Variants in ATP13A4 observed in about 807,000 individuals in gnomAD.
The protein encoded by ATP13A4 is ATPase 13A4.
Under a neutral mutation model 142.5 loss-of-function variants are expected in ATP13A4, and 114 were observed. The ratio of observed to expected loss-of-function variants is 0.80; its 90% CI spans 0.69 to 0.93. The LOEUF (loss-of-function observed/expected upper bound fraction) is 0.93, where lower values mean the gene tolerates loss of function less well. ATP13A4 is among the 40% of genes least tolerant of loss of function. The probability of loss-of-function intolerance (pLI) is 0.00; values close to 1 mark genes in which losing one functional copy is unlikely to be tolerated. For synonymous variants in ATP13A4, 488 were observed against 514.8 expected, an observed-to-expected ratio of 0.95 and a Z score of 0.70; for missense variants, 1,392 against 1,454.0, an observed-to-expected ratio of 0.96 and a Z score of 0.69.
intron 2 of ATP13A4, among the ~76,000 whole-genome samples, chr3:193,561,932 T>A (rs937976464): frequency 2.0e-5 from 3 of 152,228 alleles, no homozygotes; most frequent in Non-Finnish European, 4.4e-5. Flanking sequence ...CATGGGATCA[T>A]CACTGTACTT....
Position 193,467,416 on chromosome 3 carries a change from ACT to A in ATP13A4, c.1012_1013del (p.Ser338Ter). The A allele has an allele frequency of 6.2e-7, 1 of 1,613,878 alleles. No individual in the cohort carries two copies. The highest frequency in any genetic ancestry group is 8.5e-7 in the Non-Finnish European group (1 of 1,179,948). On this transcript the variant is annotated frameshift_variant, in exon 10 of 30. Coordinates refer to ENST00000342695, the MANE Select transcript of ATP13A4 (RefSeq NM_032279.4). LOFTEE classifies it high-confidence loss of function. ...GGACATGCCGCTTGTAATCCGCTTC[ACT>A]CTGTGTTTTCCAGGGCACAGAGCTA... ...MDSSVPWKTQ[S>X]EADYKRHVLF...
chr3:193,473,234 C>A (rs1718722709), intron 8 of ATP13A4, among the ~76,000 whole-genome samples: 1 of 152,200 alleles, frequency 6.6e-6, no homozygotes, highest in African/African-American at 2.4e-5. Context: ...AGGGCTCTCA[C>A]TGCCTAAATC....
chr3:193,413,242 A>G (rs941713050), intron 26 of ATP13A4, among the ~76,000 whole-genome samples: 4 of 152,218 alleles, frequency 2.6e-5, no homozygotes, highest in Non-Finnish European at 5.9e-5. Flanking sequence ...CAGTTCCCAA[A>G]TAATACTCTT....
chr3:193,411,308 G>A (rs1024686788), intron 27 of ATP13A4, among the ~76,000 whole-genome samples: 15 of 152,116 alleles, frequency 9.9e-5, no homozygotes, highest in African/African-American at 3.6e-4. Flanking sequence ...AATAAAAGTA[G>A]TAGATATACA....
At chr3:193,530,247 A>T (rs75975726) in intron 1 of ATP13A4, among the ~76,000 whole-genome samples, 2 of 151,964 alleles carry the variant, frequency 1.3e-5, no homozygotes, top group East Asian at 3.9e-4. Flanking sequence ...TTGTTTCTCA[A>T]ATCCTGTCTC....
rs1199571350 is a variant in ATP13A4 at position 193,440,573 on chromosome 3, T to A, written c.2504A>T (p.Glu835Val). 1 of 1,614,064 alleles carries A rather than the reference T, an allele frequency of 6.2e-7. No homozygotes were observed. Among genetic ancestry groups the A allele is most frequent in the Non-Finnish European group, 8.5e-7 (1 of 1,179,902 alleles). ...SPGQKSSLVEEFQKLDYFVGM... is the reference protein window; with the variant it reads ...SPGQKSSLVEVFQKLDYFVGM... ...AAGAACCTACTCCAGTTTCTGAAAT[T>A]CTTCCACCAGACTGGACTTCTGCCC... Residue 835 changes from glutamate (E) to valine (V), a missense_variant, in exon 21 of 30, where the codon GAA becomes GTA. Transcript: ENST00000342695.
intron 2 of ATP13A4, among the ~76,000 whole-genome samples, chr3:193,512,058 C>T (rs1577037693): frequency 6.6e-6 from 1 of 152,106 alleles, no homozygotes; most frequent in Non-Finnish European, 1.5e-5. Context: ...TCAGAGAGCA[C>T]GGCTCAGCTG....
At chr3:193,577,142 T>A (rs1577087584) in intron 2 of ATP13A4, among the ~76,000 whole-genome samples, 1 of 152,042 alleles carries the variant, frequency 6.6e-6, no homozygotes, top group Non-Finnish European at 1.5e-5. Context: ...CAACACCACA[T>A]CCACTGGTAG....
chr3:193,516,774 A>G (rs999794254), intron 1 of ATP13A4, among the ~76,000 whole-genome samples: 1 of 151,940 alleles, frequency 6.6e-6, no homozygotes, highest in Non-Finnish European at 1.5e-5. Context: ...CCTCTCTGTT[A>G]CTATGCATTC....
chr3:193,428,725 G>A (rs1248041217), intron 25 of ATP13A4, among the ~76,000 whole-genome samples: 1 of 147,596 alleles, frequency 6.8e-6, no homozygotes, highest in Non-Finnish European at 1.5e-5. Context: ...CTCACTTATA[G>A]GTGGGAATTG....
chr3:193,527,741 C>T (rs1481002577), intron 1 of ATP13A4, among the ~76,000 whole-genome samples: 1 of 152,124 alleles, frequency 6.6e-6, no homozygotes, highest in Non-Finnish European at 1.5e-5. Context: ...CCATGTGGAG[C>T]TGTGAGTCAA....
At chr3:193,435,405 G>A (rs7650114) in intron 24 of ATP13A4, among the ~76,000 whole-genome samples, 5,658 of 152,234 alleles carry the variant, frequency 0.037, 350 homozygotes, top group African/African-American at 0.13. Flanking sequence ...AATATATTCA[G>A]TGGTGATTTC....
chr3:193,489,937 T>C, intron 6 of ATP13A4, 73 bp from the exon 7 acceptor site: 1 of 1,472,140 alleles, frequency 6.8e-7, no homozygotes, highest in South Asian at 1.2e-5. Flanking sequence ...TTACTTGTTT[T>C]CATAATCATC....
At chr3:193,491,065 GA>G (rs1456940426) in intron 6 of ATP13A4, among the ~76,000 whole-genome samples, 1 of 151,996 alleles carries the variant, frequency 6.6e-6, no homozygotes, top group Non-Finnish European at 1.5e-5. Context: ...TATTAAAAAA[GA>G]AAAGAAACAT....
At chr3:193,428,580 G>A (rs1359131625) in intron 25 of ATP13A4, among the ~76,000 whole-genome samples, 1 of 151,992 alleles carries the variant, frequency 6.6e-6, no homozygotes. Context: ...AGAAAATGTG[G>A]CACATATATA....
chr3:193,593,065 G>A, exon 1 of ATP13A4: 1 of 372,588 alleles, frequency 2.7e-6, no homozygotes, highest in Non-Finnish European at 4.8e-6. Context: ...AAGAGGGCGG[G>A]GCCCCGTGAG....
At chr3:193,543,413 A>C (rs556571724) in intron 1 of ATP13A4, among the ~76,000 whole-genome samples, 1 of 152,294 alleles carries the variant, frequency 6.6e-6, no homozygotes, top group African/African-American at 2.4e-5. Context: ...AGAAACTATA[A>C]GGAACTTGAA....
chr3:193,408,673 C>G (rs893893524), intron 28 of ATP13A4, among the ~76,000 whole-genome samples: 1 of 152,192 alleles, frequency 6.6e-6, no homozygotes, highest in Non-Finnish European at 1.5e-5. Context: ...GAGGACACCA[C>G]GGATTCTCAT....
At chr3:193,573,308 C>CATATATATATCTATACTTAT (rs1724326234) in intron 2 of ATP13A4, among the ~76,000 whole-genome samples, 1 of 103,674 alleles carries the variant, frequency 9.6e-6, no homozygotes, top group African/African-American at 4.7e-5. Context: ...TATATATATA[C>CATATATATATCTATACTTAT]ATATATATAT....
Sources: gnomAD v4.1 joint callset for allele counts (sites outside exome capture counted in the v4.1 genomes callset) on GRCh38, gnomAD v4.1.1 for gene constraint, MANE v1.5 for transcripts, NCBI Gene and HGNC (gene_info 2026-07-23, HGNC 2026-07-21) for gene names.